Variants in PIGN observed in about 807,000 individuals in gnomAD.
PIGN encodes the protein phosphatidylinositol glycan anchor biosynthesis class N, also known as GPI ethanolamine phosphate transferase 1.
PIGN carries 117 observed loss-of-function variants against 125.4 expected under a neutral mutation model. That is an observed-to-expected ratio of 0.93 (90% CI 0.80 to 1.09). The LOEUF is 1.09. PIGN is among the 50% of genes least tolerant of loss of function. The pLI, the probability that PIGN is intolerant of heterozygous loss-of-function variation, is 0.00. For synonymous variants in PIGN, 392 were observed against 377.8 expected (o/e 1.04, Z -0.44); for missense variants, 1,075 against 1,094.9 (o/e 0.98, Z 0.26).
intron 30 of PIGN, among the ~76,000 whole-genome samples, chr18:62,060,990 G>A (rs2145407109): frequency 6.6e-6 from 1 of 152,236 alleles, no homozygotes; most frequent in African/African-American, 2.4e-5. Context: ...TATGGCCTGG[G>A]CAGGATATTT....
At chr18:62,096,242 C>A (rs2034183400) in intron 22 of PIGN, among the ~76,000 whole-genome samples, 1 of 151,838 alleles carries the variant, frequency 6.6e-6, no homozygotes, top group Admixed American at 6.6e-5. Context: ...TTGCAGTGAG[C>A]CGAGATTGCA....
rs144114585 is a variant in PIGN at position 62,145,892 on chromosome 18, TAAAG to T, written c.922+13_922+16del. 846 of 1,229,350 alleles carry T rather than the reference TAAAG, an allele frequency of 6.9e-4. 4 individuals carry two copies. In the African/African-American group the frequency reaches 0.011, roughly 15 times the overall value. 76.2% of individuals were successfully genotyped at this position (1,229,350 alleles called of 1,614,324 possible). On this transcript the variant is annotated intron_variant, in intron 10 of 30. Transcript: ENST00000640252. ...TTAAGAGGTTGTATTTATAAACCAG[TAAAG>T]AAATGCTTGTACCTTTCAAAAATGC...
At chr18:62,031,524 T>A (rs1311586753) in intron 23 of PIGN, among the ~76,000 whole-genome samples, 1 of 152,016 alleles carries the variant, frequency 6.6e-6, no homozygotes, top group East Asian at 1.9e-4. Context: ...TGAAGGGAAA[T>A]GAAAAGTTGA....
At chr18:62,133,029 G>A (rs1046079222) in intron 14 of PIGN, among the ~76,000 whole-genome samples, 2 of 152,170 alleles carry the variant, frequency 1.3e-5, no homozygotes, top group African/African-American at 4.8e-5. Context: ...AGCATACTTT[G>A]AGTACCCACA....
chr18:62,101,043 A>T (rs2034414581), intron 22 of PIGN, 32 bp downstream of exon 22: 1 of 1,140,378 alleles, frequency 8.8e-7, no homozygotes, highest in Admixed American at 1.7e-5. Context: ...GTTGATGTCA[A>T]ATTACCTCAC....
intron 23 of PIGN, among the ~76,000 whole-genome samples, chr18:62,018,990 G>A (rs369291670): frequency 1.3e-5 from 2 of 152,252 alleles, no homozygotes; most frequent in East Asian, 3.9e-4. Flanking sequence ...GCCAGGGCTG[G>A]AGGATCATTT....
intron 23 of PIGN, among the ~76,000 whole-genome samples, chr18:62,019,320 A>T (rs2144855747): frequency 6.6e-6 from 1 of 152,324 alleles, no homozygotes; most frequent in African/African-American, 2.4e-5. Context: ...TTTGCCAGAG[A>T]TGGACATTAT....
chr18:62,020,043 G>C (rs2030034350), intron 23 of PIGN, among the ~76,000 whole-genome samples: 1 of 152,232 alleles, frequency 6.6e-6, no homozygotes, highest in Non-Finnish European at 1.5e-5. Context: ...GCAGATATCT[G>C]CATAGGGGTG....
chr18:62,022,895 CTT>C (rs1451772897), intron 23 of PIGN, among the ~76,000 whole-genome samples: 1 of 152,120 alleles, frequency 6.6e-6, no homozygotes, highest in East Asian at 1.9e-4. Context: ...ATGACATAGT[CTT>C]TGCAAATAAC....
chr18:62,029,339 C>G (rs1052487244), intron 23 of PIGN, among the ~76,000 whole-genome samples: 2 of 152,142 alleles, frequency 1.3e-5, no homozygotes, highest in African/African-American at 4.8e-5. Context: ...GCCTGAGAAG[C>G]ACCTGATTGT....
intron 30 of PIGN, among the ~76,000 whole-genome samples, chr18:62,050,712 C>A (rs951604006): frequency 6.6e-6 from 1 of 152,096 alleles, no homozygotes; most frequent in Admixed American, 6.5e-5. Flanking sequence ...TGCCTAATTG[C>A]CCTGGCCAGA....
chr18:62,157,187 A>G lies in PIGN; in HGVS notation c.384T>C (p.Asn128=). The G allele has an allele frequency of 6.2e-7, 1 of 1,609,764 alleles. No individual in the cohort carries two copies. The highest frequency in any genetic ancestry group is 1.1e-5 in the South Asian group (1 of 90,266). ...CCCAGCTCCATGTGTATTTACTTTC[A>G]TTAAAAAGAGAATCAAACTCTACAG... The part of the protein sequence containing the change: ...ENPVEFDSLF[N]ESKYTWSWGS... The change falls in exon 6 of 31, where the codon AAT becomes AAC. Residue 128 remains asparagine, a synonymous_variant. Transcript: ENST00000640252.
intron 30 of PIGN, chr18:62,070,238 T>G (rs1001869523): frequency 7.6e-6 from 3 of 394,798 alleles, no homozygotes; most frequent in African/African-American, 6.2e-5. Flanking sequence ...GGCGCTCTGG[T>G]TTAAAGCCCA....
intron 6 of PIGN, among the ~76,000 whole-genome samples, chr18:62,155,086 A>C (rs1472804): frequency 0.54 from 82,200 of 152,022 alleles, 23,782 homozygotes; most frequent in East Asian, 0.69. Flanking sequence ...AAGAAAATTC[A>C]GATATTTCAC....
At chr18:62,086,629 T>G (rs1275519027) in intron 25 of PIGN, among the ~76,000 whole-genome samples, 1 of 151,674 alleles carries the variant, frequency 6.6e-6, no homozygotes, top group African/African-American at 2.4e-5. Flanking sequence ...TTTTTTTTTT[T>G]TTTTTAAAAA....
chr18:62,089,816 T>G lies in PIGN; in HGVS notation c.2283+660A>C, dbSNP rs1164069838. Among the ~76,000 whole-genome samples, 3 of 152,296 alleles carry G rather than the reference T, an allele frequency of 2.0e-5. No individual in the cohort carries two copies. The East Asian group carries it at 5.8e-4, about 29-fold the overall frequency. The stretch of plus-strand genomic sequence containing the variant: ...TAATATTCATTTTATCCGACCTTAG[T>G]AAAACTGCAAATATTCTATCACCAA... On this transcript the variant is annotated intron_variant, in intron 24 of 30. Transcript: ENST00000640252.
chr18:62,139,574 C>T (rs914657557), intron 12 of PIGN, among the ~76,000 whole-genome samples: 5 of 152,252 alleles, frequency 3.3e-5, no homozygotes, highest in Admixed American at 1.3e-4. Flanking sequence ...CATTTGATTT[C>T]GAAGAGCTAA....
At chr18:62,029,819 G>T (rs1202799551) in intron 23 of PIGN, among the ~76,000 whole-genome samples, 2 of 152,192 alleles carry the variant, frequency 1.3e-5, no homozygotes, top group Admixed American at 1.3e-4. Flanking sequence ...AGCATTCATT[G>T]CATTGGGTCA....
intron 1 of PIGN, among the ~76,000 whole-genome samples, chr18:62,177,098 T>C (rs912361629): frequency 1.3e-4 from 20 of 152,204 alleles, no homozygotes; most frequent in African/African-American, 4.6e-4. Flanking sequence ...TTTGCTAAAC[T>C]TACAGACTAT....
Sources: gnomAD v4.1 joint callset for allele counts (sites outside exome capture counted in the v4.1 genomes callset) on GRCh38, gnomAD v4.1.1 for gene constraint, MANE v1.5 for transcripts, NCBI Gene and HGNC (gene_info 2026-07-23, HGNC 2026-07-21) for gene names.